Variants in NALF1 observed in about 807,000 individuals in gnomAD.
NALF1 encodes family with sequence similarity 155 member A.
NALF1 carries 3 observed loss-of-function variants against 48.4 expected under a neutral mutation model. That is an observed-to-expected ratio of 0.06 (90% CI 0.03 to 0.16). The LOEUF is 0.16. Ranked by LOEUF, NALF1 falls within the 10% of genes least tolerant of loss-of-function variation. The pLI is 1.00. For missense variants in NALF1, 526 were observed against 571.5 expected (o/e 0.92, Z 0.81); for synonymous variants, 262 against 245.7 (o/e 1.07, Z -0.62).
At chr13:107,226,340 T>C (rs1880107330) in intron 1 of NALF1, among the ~76,000 whole-genome samples, 1 of 152,194 alleles carries the variant, frequency 6.6e-6, no homozygotes, top group Non-Finnish European at 1.5e-5. Flanking sequence ...AGCCAGAAAA[T>C]ATCTTTTACA....
intron 1 of NALF1, among the ~76,000 whole-genome samples, chr13:107,663,250 C>A (rs1302915439): frequency 1.3e-5 from 2 of 152,200 alleles, no homozygotes; most frequent in East Asian, 1.9e-4. Flanking sequence ...CTTTTCATAA[C>A]AGCACATAAA....
chr13:107,825,624 C>T (rs1214267326), intron 1 of NALF1, among the ~76,000 whole-genome samples: 1 of 152,168 alleles, frequency 6.6e-6, no homozygotes, highest in Non-Finnish European at 1.5e-5. Flanking sequence ...AATTCCTGTA[C>T]TTGTAGAACA....
At chr13:107,357,363 G>T (rs1180486968) in intron 1 of NALF1, among the ~76,000 whole-genome samples, 1 of 152,092 alleles carries the variant, frequency 6.6e-6, no homozygotes, top group African/African-American at 2.4e-5. Flanking sequence ...GAGGGAAACT[G>T]CCCCCATGAT....
intron 1 of NALF1, among the ~76,000 whole-genome samples, chr13:107,783,390 T>G (rs1297725964): frequency 1.3e-5 from 2 of 151,930 alleles, no homozygotes; most frequent in Non-Finnish European, 2.9e-5. Context: ...GAACGGGCCA[T>G]GATGACAATG....
At chr13:107,413,113 G>A (rs1261071563) in intron 1 of NALF1, among the ~76,000 whole-genome samples, 1 of 152,110 alleles carries the variant, frequency 6.6e-6, no homozygotes, top group South Asian at 2.1e-4. Context: ...GGGTAGAAGG[G>A]AACACAATGT....
At chr13:107,508,666 T>C (rs1368023149) in intron 1 of NALF1, among the ~76,000 whole-genome samples, 4 of 152,066 alleles carry the variant, frequency 2.6e-5, no homozygotes, top group Non-Finnish European at 1.5e-5. Context: ...TCTTGAGCAG[T>C]TTGCTAAAAA....
intron 1 of NALF1, among the ~76,000 whole-genome samples, chr13:107,838,443 C>T (rs1411747216): frequency 2.0e-5 from 3 of 152,140 alleles, no homozygotes; most frequent in Non-Finnish European, 4.4e-5. Flanking sequence ...ATCGCTTACA[C>T]TATATAAAGC....
intron 1 of NALF1, among the ~76,000 whole-genome samples, chr13:107,343,769 A>G (rs190825459): frequency 6.8e-4 from 103 of 152,290 alleles, no homozygotes; most frequent in Admixed American, 4.1e-3. Flanking sequence ...CAAAAGAACG[A>G]TCTCAAATGA....
At chr13:107,208,797 A>C (rs573617822) in intron 2 of NALF1, among the ~76,000 whole-genome samples, 3 of 152,236 alleles carry the variant, frequency 2.0e-5, no homozygotes, top group African/African-American at 7.2e-5. Flanking sequence ...GTGTCTGGTG[A>C]ATTTTGTCTC....
chr13:107,270,607 T>TC (rs2138862602), intron 1 of NALF1, among the ~76,000 whole-genome samples: 1 of 151,934 alleles, frequency 6.6e-6, no homozygotes, highest in African/African-American at 2.4e-5. Context: ...TGTGAGGTTT[T>TC]AGTCAAGGAT....
chr13:107,821,311 C>T (rs543826026), intron 1 of NALF1, among the ~76,000 whole-genome samples: 1 of 152,138 alleles, frequency 6.6e-6, no homozygotes, highest in East Asian at 1.9e-4. Context: ...GCACGTACAG[C>T]GACTTAGCAT....
intron 1 of NALF1, among the ~76,000 whole-genome samples, chr13:107,400,967 C>A (rs1019220516): frequency 1.3e-5 from 2 of 152,114 alleles, no homozygotes; most frequent in African/African-American, 4.8e-5. Flanking sequence ...CAGAGATGGG[C>A]TCCAAGAACT....
chr13:107,577,868 C>T (rs1878198412), intron 1 of NALF1, among the ~76,000 whole-genome samples: 1 of 152,146 alleles, frequency 6.6e-6, no homozygotes, highest in Non-Finnish European at 1.5e-5. Context: ...CTTGAGTGGG[C>T]TCCTATCCTT....
At chr13:107,299,461 A>C (rs1239299653) in intron 1 of NALF1, among the ~76,000 whole-genome samples, 1 of 48,606 alleles carries the variant, frequency 2.1e-5, no homozygotes, top group Non-Finnish European at 5.9e-5. Context: ...AATAATAATA[A>C]TAATAATAAT....
chr13:107,351,729 T>A (rs964205583), intron 1 of NALF1, among the ~76,000 whole-genome samples: 1 of 152,248 alleles, frequency 6.6e-6, no homozygotes, highest in Non-Finnish European at 1.5e-5. Context: ...TATTCCCGAA[T>A]AAACTCAACA....
chr13:107,368,673 T>G (rs138167570), intron 1 of NALF1, among the ~76,000 whole-genome samples: 1 of 152,202 alleles, frequency 6.6e-6, no homozygotes, highest in Admixed American at 6.5e-5. Flanking sequence ...GTGTCTCTTA[T>G]AAGGACATTT....
intron 1 of NALF1, among the ~76,000 whole-genome samples, chr13:107,579,769 C>G (rs983376241): frequency 2.0e-5 from 3 of 151,818 alleles, no homozygotes; most frequent in African/African-American, 7.3e-5. Context: ...GTGTGCTGCA[C>G]CCACTAACTC....
Position 107,817,057 on chromosome 13 carries a change from A to G in NALF1, c.915+48625T>C, listed in dbSNP as rs536803715. On this transcript the variant is annotated intron_variant, in intron 1 of 2. Coordinates refer to ENST00000375915, the MANE Select transcript of NALF1 (RefSeq NM_001080396.3). ...ACTTGGGAGAAAGAGACTGAGCAAAAGTGAGTGTGAGGGAAAGAGCAAGAG... is the reference window on the plus strand; with the variant it reads ...ACTTGGGAGAAAGAGACTGAGCAAAGGTGAGTGTGAGGGAAAGAGCAAGAG... Among the ~76,000 whole-genome samples the G allele has an allele frequency of 5.9e-5, 9 of 152,322 alleles. No individual in the cohort carries two copies. In the East Asian group the frequency reaches 1.2e-3, roughly 20 times the overall value.
chr13:107,472,429 C>A (rs1415125786), intron 1 of NALF1, among the ~76,000 whole-genome samples: 1 of 152,040 alleles, frequency 6.6e-6, no homozygotes, highest in Non-Finnish European at 1.5e-5. Context: ...AAGTATTGTT[C>A]CTGGGTGTGT....
Sources: allele counts gnomAD v4.1 joint callset (sites outside exome capture counted in the v4.1 genomes callset), GRCh38; gene constraint gnomAD v4.1.1; transcripts MANE v1.5; gene names NCBI Gene and HGNC (gene_info 2026-07-23, HGNC 2026-07-21).